CDH12: variants seen among roughly 807,000 people sequenced by gnomAD.
The protein encoded by CDH12 is cadherin 12.
A neutral mutation model predicts 74.1 loss-of-function variants in CDH12; 41 were observed. The observed-to-expected ratio is 0.55, with a 90% CI of 0.43 to 0.72. The LOEUF is 0.72. Ranked by LOEUF, CDH12 falls within the 30% of genes least tolerant of loss-of-function variation. The probability of loss-of-function intolerance (pLI) is 0.00; values close to 1 mark genes in which losing one functional copy is unlikely to be tolerated. For missense variants in CDH12, 945 were observed against 977.2 expected (o/e 0.97, Z 0.44); for synonymous variants, 399 against 355.0 (o/e 1.12, Z -1.39).
chr5:22,267,140 C>T (rs1736158825), intron 3 of CDH12, among the ~76,000 whole-genome samples: 2 of 152,092 alleles, frequency 1.3e-5, no homozygotes, highest in Non-Finnish European at 2.9e-5. Flanking sequence ...TTACAGTTAT[C>T]TTAGGGCTAT....
intron 4 of CDH12, among the ~76,000 whole-genome samples, chr5:22,128,594 A>G (rs1433252373): frequency 6.6e-6 from 1 of 152,216 alleles, no homozygotes; most frequent in Non-Finnish European, 1.5e-5. Flanking sequence ...TATAAGTACA[A>G]ATTTAAAATT....
At chr5:22,761,312 G>C (rs1241858375) in intron 1 of CDH12, among the ~76,000 whole-genome samples, 1 of 152,124 alleles carries the variant, frequency 6.6e-6, no homozygotes, top group Non-Finnish European at 1.5e-5. Context: ...TCTCAGATGG[G>C]TCAATTTCTT....
At chr5:22,576,541 C>T (rs183056625) in intron 1 of CDH12, among the ~76,000 whole-genome samples, 4 of 152,224 alleles carry the variant, frequency 2.6e-5, no homozygotes, top group South Asian at 2.1e-4. Flanking sequence ...AGTTATGTTC[C>T]GTAGAGTTTT....
intron 4 of CDH12, among the ~76,000 whole-genome samples, chr5:22,151,235 T>G (rs181854743): frequency 3.3e-5 from 5 of 152,240 alleles, no homozygotes; most frequent in African/African-American, 1.2e-4. Flanking sequence ...AGCCTGATAC[T>G]GAAACTCTGT....
chr5:22,459,815 A>C (rs2126581797), intron 2 of CDH12, among the ~76,000 whole-genome samples: 1 of 152,062 alleles, frequency 6.6e-6, no homozygotes, highest in East Asian at 1.9e-4. Flanking sequence ...AAACACAAAA[A>C]ATTAGCCGGG....
At chr5:21,769,923 T>C (rs961845580) in intron 11 of CDH12, among the ~76,000 whole-genome samples, 1 of 152,188 alleles carries the variant, frequency 6.6e-6, no homozygotes, top group African/African-American at 2.4e-5. Context: ...ATGGAAAACA[T>C]TGATATAATC....
At chr5:22,828,293 T>A (rs1736430738) in intron 1 of CDH12, among the ~76,000 whole-genome samples, 1 of 152,028 alleles carries the variant, frequency 6.6e-6, no homozygotes. Context: ...AGCAAAAAAA[T>A]GGAAAGATAT....
At chr5:22,426,562 A>G (rs563497731) in intron 2 of CDH12, among the ~76,000 whole-genome samples, 2 of 152,272 alleles carry the variant, frequency 1.3e-5, no homozygotes, top group South Asian at 4.1e-4. Context: ...AGGTAAGTCA[A>G]ATATTTAACT....
intron 5 of CDH12, among the ~76,000 whole-genome samples, chr5:22,014,652 T>C (rs1459197910): frequency 6.6e-6 from 1 of 152,176 alleles, no homozygotes; most frequent in Non-Finnish European, 1.5e-5. Context: ...CATCCTGCTA[T>C]GTAAACAGAA....
At chr5:22,002,116 C>T (rs569742906) in intron 5 of CDH12, among the ~76,000 whole-genome samples, 23 of 152,172 alleles carry the variant, frequency 1.5e-4, no homozygotes, top group Middle Eastern at 3.4e-3. Context: ...AAAAGAGAGA[C>T]TCCAAAACTC....
At chr5:22,122,809 C>T (rs1317474714) in intron 4 of CDH12, among the ~76,000 whole-genome samples, 2 of 152,202 alleles carry the variant, frequency 1.3e-5, no homozygotes, top group African/African-American at 4.8e-5. Flanking sequence ...TATCTTTGAA[C>T]TGGGATATTG....
intron 6 of CDH12, among the ~76,000 whole-genome samples, chr5:21,940,434 G>C (rs1418586108): frequency 2.0e-5 from 3 of 152,000 alleles, no homozygotes; most frequent in African/African-American, 7.2e-5. Context: ...ACATAATTGT[G>C]GAAATACTAC....
rs147257099 is a variant in CDH12, at chr5:22,625,016, C to T, written c.-522-119652G>A. On this transcript the variant is annotated intron_variant, in intron 1 of 14. Coordinates refer to ENST00000382254, the MANE Select transcript of CDH12 (RefSeq NM_004061.5). ...TGAGTTCATGTCCTTTGTAGGGACACGGATGAAGCTAGAAACTATCATTCT... is the reference window on the plus strand; with the variant it reads ...TGAGTTCATGTCCTTTGTAGGGACATGGATGAAGCTAGAAACTATCATTCT... Among the ~76,000 whole-genome samples the T allele has an allele frequency of 2.6e-3, 396 of 152,174 alleles. 3 individuals are homozygous for T. Among genetic ancestry groups the T allele is most frequent in the East Asian group, 0.02 (103 of 5,158 alleles).
At chr5:22,775,996 A>G (rs549162297) in intron 1 of CDH12, among the ~76,000 whole-genome samples, 49 of 152,152 alleles carry the variant, frequency 3.2e-4, no homozygotes, top group African/African-American at 1.2e-3. Flanking sequence ...CCACCATGTA[A>G]GAAGTGCCTT....
At chr5:22,762,425 T>G (rs1746275877) in intron 1 of CDH12, among the ~76,000 whole-genome samples, 3 of 152,142 alleles carry the variant, frequency 2.0e-5, no homozygotes, top group African/African-American at 2.4e-5. Context: ...TGATTTGAGT[T>G]TTATTGTATT....
chr5:22,519,358 G>T (rs1373710983), intron 1 of CDH12, among the ~76,000 whole-genome samples: 1 of 151,448 alleles, frequency 6.6e-6, no homozygotes, highest in Non-Finnish European at 1.5e-5. Context: ...GTAAAATAAA[G>T]TTCTCTCACC....
chr5:21,899,611 GT>G (rs1348578676), intron 6 of CDH12, among the ~76,000 whole-genome samples: 1 of 152,066 alleles, frequency 6.6e-6, no homozygotes, highest in Non-Finnish European at 1.5e-5. Flanking sequence ...AAAGCAATCA[GT>G]TTTCAGAGGC....
intron 2 of CDH12, among the ~76,000 whole-genome samples, chr5:22,423,240 C>T (rs540689189): frequency 8.6e-4 from 128 of 148,792 alleles, no homozygotes; most frequent in Middle Eastern, 3.6e-3. Context: ...AATACCCTAG[C>T]GAACTTATGA....
At chr5:22,096,176 A>T (rs895754347) in intron 4 of CDH12, among the ~76,000 whole-genome samples, 1 of 151,956 alleles carries the variant, frequency 6.6e-6, no homozygotes, top group African/African-American at 2.4e-5. Context: ...TAAAACCTAA[A>T]TGCCTTATTT....
Sources: gnomAD v4.1 joint callset for allele counts (sites outside exome capture counted in the v4.1 genomes callset) on GRCh38, gnomAD v4.1.1 for gene constraint, MANE v1.5 for transcripts, NCBI Gene and HGNC (gene_info 2026-07-23, HGNC 2026-07-21) for gene names.